Variants in ALG9 observed in about 807,000 individuals in gnomAD.
ALG9 encodes ALG9 alpha-1,2-mannosyltransferase, also known as alpha-1,2-mannosyltransferase ALG9.
In ALG9, 55 loss-of-function variants were observed where a neutral mutation model predicts 81.8. That is an observed-to-expected ratio of 0.67 (90% CI 0.54 to 0.84). The LOEUF is 0.84. Among genes scored for constraint, ALG9 ranks in the 40% least tolerant of loss-of-function variants. The pLI, the probability that ALG9 is intolerant of heterozygous loss-of-function variation, is 0.00. For missense variants in ALG9, 629 were observed against 745.0 expected, an observed-to-expected ratio of 0.84 and a Z score of 1.81; for synonymous variants, 278 against 274.3, an observed-to-expected ratio of 1.01 and a Z score of -0.13.
At chr11:111,853,871 G>A (rs1958226756) in intron 6 of ALG9, 135 bp from the exon 7 acceptor site, 5 of 785,558 alleles carry the variant, frequency 6.4e-6, no homozygotes, top group Non-Finnish European at 1.1e-5. Context: ...TGGTATGTGA[G>A]AGGATGTCGT....
Position 111,871,577 on chromosome 11 carries a change from A to G in ALG9, c.-95T>C. On this transcript the variant is annotated 5_prime_UTR_variant, in exon 1 of 15. Transcript: ENST00000616540. ...GCAAACGGTGTCCGCCGAGGGACAA[A>G]AGACCTTGACATGCGCAGAAAATAC... The G allele has an allele frequency of 6.5e-7, 1 of 1,531,390 alleles. No homozygotes were observed. The highest frequency in any genetic ancestry group is 8.7e-7 in the Non-Finnish European group (1 of 1,144,262). The allele number at this position is 1,531,390 out of a possible 1,614,324, so 94.9% of individuals were successfully genotyped here. A position where few individuals can be genotyped will look rare whatever the true frequency, so the allele number is the denominator to read the frequency against.
chr11:111,864,202 C>T, intron 4 of ALG9: 6 of 657,154 alleles, frequency 9.1e-6, no homozygotes, highest in African/African-American at 1.8e-5. Flanking sequence ...AGTCAGGCCC[C>T]GCTGACCCAC....
chr11:111,839,340 C>T (rs1249711943), intron 10 of ALG9, among the ~76,000 whole-genome samples: 13 of 152,142 alleles, frequency 8.5e-5, no homozygotes, highest in African/African-American at 3.1e-4. Flanking sequence ...AATCCCAGCA[C>T]TTTGGGAGGC....
downstream of ALG9, among the ~76,000 whole-genome samples, chr11:111,777,668 G>A (rs1555055700): frequency 6.6e-6 from 1 of 152,010 alleles, no homozygotes; most frequent in African/African-American, 2.4e-5. Flanking sequence ...AAAAATGCAA[G>A]GAAAGGGGTG....
chr11:111,856,837 T>C (rs1958771075), intron 6 of ALG9, among the ~76,000 whole-genome samples: 2 of 152,182 alleles, frequency 1.3e-5, no homozygotes, highest in African/African-American at 4.8e-5. Flanking sequence ...CCAGGCGCAG[T>C]GGCTCATGCC....
intron 13 of ALG9, among the ~76,000 whole-genome samples, chr11:111,834,934 C>T (rs182822792): frequency 6.6e-6 from 1 of 152,178 alleles, no homozygotes; most frequent in Non-Finnish European, 1.5e-5. Context: ...GCCTGTCTTA[C>T]AAGGGAACAG....
chr11:111,863,641 G>A (rs1005761478), intron 4 of ALG9, among the ~76,000 whole-genome samples: 4 of 152,100 alleles, frequency 2.6e-5, no homozygotes, highest in African/African-American at 7.2e-5. Context: ...AAAACAAGAC[G>A]TTTGTTAGTT....
chr11:111,818,337 G>T (rs1220960239), intron 13 of ALG9, among the ~76,000 whole-genome samples: 1 of 152,184 alleles, frequency 6.6e-6, no homozygotes, highest in Non-Finnish European at 1.5e-5. Context: ...GAGCTAGACA[G>T]TATAGCCTAT....
chr11:111,837,665 C>T, intron 11 of ALG9, 50 bp from the exon 12 acceptor site: 1 of 1,595,644 alleles, frequency 6.3e-7, no homozygotes, highest in South Asian at 1.1e-5. Flanking sequence ...AGATGAGATT[C>T]TCACTTTAAT....
chr11:111,804,647 CA>C (rs1453203783), intron 14 of ALG9, among the ~76,000 whole-genome samples: 1 of 152,100 alleles, frequency 6.6e-6, no homozygotes. Flanking sequence ...AAAAAATGCC[CA>C]AAGACTTAAC....
intron 14 of ALG9, among the ~76,000 whole-genome samples, chr11:111,807,928 T>C (rs1171085773): frequency 6.6e-6 from 1 of 152,084 alleles, no homozygotes; most frequent in Non-Finnish European, 1.5e-5. Context: ...CTACAAAAAA[T>C]ACAAAAATTA....
intron 13 of ALG9, among the ~76,000 whole-genome samples, chr11:111,820,941 CACACACAA>C (rs1310328367): frequency 1.0e-3 from 157 of 151,154 alleles, no homozygotes; most frequent in Middle Eastern, 3.4e-3. Flanking sequence ...CACACACACA[CACACACAA>C]GCCAGGTATG....
the ALG9 span, among the ~76,000 whole-genome samples, chr11:111,774,313 T>C: frequency 6.6e-6 from 1 of 152,050 alleles, no homozygotes; most frequent in Non-Finnish European, 1.5e-5. Flanking sequence ...GAGGCACAGA[T>C]TGCGGTGAGC....
intron 8 of ALG9, among the ~76,000 whole-genome samples, chr11:111,845,980 A>AC (rs1566056450): frequency 6.6e-6 from 1 of 152,354 alleles, no homozygotes; most frequent in East Asian, 1.9e-4. Context: ...ATACAATGAT[A>AC]GAGAATATTC....
At position 111,785,715 on chromosome 11, in the gene ALG9, A is replaced by G. The variant is rs539117752; in HGVS notation, c.*682T>C. On this transcript the variant is annotated 3_prime_UTR_variant, in exon 15 of 15. Transcript: ENST00000616540. ...AAAAGCAATACAACCTTATAGTTAC[A>G]GTTGGTTGTAAAGGAAATGAAAATT... 1 of 231,618 alleles carries G rather than the reference A, an allele frequency of 4.3e-6. No homozygotes were observed. The highest frequency in any genetic ancestry group is 1.1e-4 in the East Asian group (1 of 9,266). 14.3% of individuals were successfully genotyped at this position (231,618 alleles called of 1,614,324 possible). A position where few individuals can be genotyped will look rare whatever the true frequency, so the allele number is the denominator to read the frequency against.
chr11:111,822,887 G>A (rs1337594558), intron 13 of ALG9, among the ~76,000 whole-genome samples: 2 of 151,986 alleles, frequency 1.3e-5, no homozygotes, highest in African/African-American at 2.4e-5. Context: ...AGCTGGGCAC[G>A]GTGGCACATT....
chr11:111,853,884 C>A, intron 6 of ALG9, 148 bp from the exon 7 acceptor site: 1 of 722,512 alleles, frequency 1.4e-6, no homozygotes, highest in Non-Finnish European at 2.5e-6. Flanking sequence ...GATGTCGTCA[C>A]AGGACCTGTC....
At chr11:111,805,979 C>T (rs1949870574) in intron 14 of ALG9, among the ~76,000 whole-genome samples, 3 of 152,122 alleles carry the variant, frequency 2.0e-5, no homozygotes, top group Admixed American at 2.0e-4. Context: ...GTCTCAGCCT[C>T]CTGTGTAGCT....
chr11:111,845,781 C>T (rs1555129095), intron 8 of ALG9, among the ~76,000 whole-genome samples: 3 of 152,140 alleles, frequency 2.0e-5, no homozygotes, highest in Admixed American at 6.5e-5. Flanking sequence ...AAAGGGTAAT[C>T]AGAAGGCAGA....
Sources: gnomAD v4.1 joint callset for allele counts (sites outside exome capture counted in the v4.1 genomes callset) on GRCh38, gnomAD v4.1.1 for gene constraint, MANE v1.5 for transcripts, NCBI Gene and HGNC (gene_info 2026-07-23, HGNC 2026-07-21) for gene names.